PRELID2: variants seen among roughly 807,000 people sequenced by gnomAD.
PRELID2 encodes the protein PRELI domain containing 2, also known as PRELI domain-containing protein 2.
Under a neutral mutation model 28.4 loss-of-function variants are expected in PRELID2, and 25 were observed. The observed-to-expected ratio is 0.88, with a 90% confidence interval of 0.64 to 1.23. The LOEUF (loss-of-function observed/expected upper bound fraction) is 1.23, where lower values mean the gene tolerates loss of function less well. PRELID2 is among the 50% of genes most tolerant of loss of function. The pLI is 0.00. For synonymous variants in PRELID2, 76 were observed against 71.6 expected (o/e 1.06, Z -0.31); for missense variants, 201 against 214.4 (o/e 0.94, Z 0.39).
intron 1 of PRELID2, among the ~76,000 whole-genome samples, chr5:145,628,686 T>G (rs1303224069): frequency 6.6e-6 from 1 of 152,174 alleles, no homozygotes; most frequent in East Asian, 1.9e-4. Context: ...AACCCCTTTA[T>G]CACAGCCAGC....
chr5:145,581,223 T>C (rs1041508627), intron 1 of PRELID2, among the ~76,000 whole-genome samples: 1 of 152,026 alleles, frequency 6.6e-6, no homozygotes, highest in Non-Finnish European at 1.5e-5. Context: ...CCAAACCATC[T>C]TCTACTCCCC....
chr5:145,264,058 T>C, the PRELID2 span, among the ~76,000 whole-genome samples: 1 of 152,104 alleles, frequency 6.6e-6, no homozygotes, highest in Non-Finnish European at 1.5e-5. Context: ...ACAGCTGAAC[T>C]CTATCAGATA....
In PRELID2 at chr5:145,785,578, G is replaced by A. The variant is rs140227117; in HGVS notation, c.474+10864C>T. On this transcript the variant is annotated intron_variant, in intron 5 of 6. Coordinates refer to ENST00000683046, the MANE Select transcript of PRELID2 (RefSeq NM_205846.3). The stretch of plus-strand genomic sequence containing the variant: ...TGTGAGCATTCTAATCAGCAACCTC[G>A]CTCTCCAGAAACTTCAGTCAGACAC... Among the ~76,000 whole-genome samples, 297 of 152,222 alleles carry A rather than the reference G, an allele frequency of 2.0e-3. 1 individual carries two copies. Among genetic ancestry groups the A allele is most frequent in the African/African-American group, 6.2e-3 (256 of 41,524 alleles).
chr5:145,669,942 C>T (rs564225618), intron 1 of PRELID2, among the ~76,000 whole-genome samples: 15 of 152,202 alleles, frequency 9.9e-5, no homozygotes, highest in African/African-American at 2.2e-4. Flanking sequence ...TCACCTGCAG[C>T]GAACTTACTA....
chr5:145,550,624 G>A (rs916620280), intron 1 of PRELID2, among the ~76,000 whole-genome samples: 13 of 151,974 alleles, frequency 8.6e-5, no homozygotes, highest in African/African-American at 2.9e-4. Flanking sequence ...ACTAAAGAAG[G>A]ACCTTAAAAT....
intron 1 of PRELID2, among the ~76,000 whole-genome samples, chr5:145,546,353 A>AAACTATAAG (rs1752788022): frequency 6.7e-6 from 1 of 148,578 alleles, no homozygotes; most frequent in Non-Finnish European, 1.5e-5. Flanking sequence ...ACTCAAAATT[A>AAACTATAAG]AACTATAAGT....
intron 1 of PRELID2, among the ~76,000 whole-genome samples, chr5:145,606,105 G>T (rs1003313040): frequency 6.6e-5 from 10 of 151,986 alleles, no homozygotes; most frequent in Non-Finnish European, 1.5e-4. Flanking sequence ...ACTGATTTTT[G>T]AACATTGTTT....
the PRELID2 span, among the ~76,000 whole-genome samples, chr5:145,379,840 C>T: frequency 6.6e-6 from 1 of 152,008 alleles, no homozygotes; most frequent in Non-Finnish European, 1.5e-5. Flanking sequence ...GGTGTGGGCC[C>T]CGAGAGCACT....
chr5:145,635,878 C>T (rs1391012867), intron 1 of PRELID2, among the ~76,000 whole-genome samples: 1 of 152,208 alleles, frequency 6.6e-6, no homozygotes, highest in African/African-American at 2.4e-5. Context: ...GGACAACACT[C>T]GTCTCTACCT....
rs141272009 is a variant in PRELID2 at position 145,702,134 on chromosome 5, G to C, written n.70+62797C>G. On this transcript the variant is annotated intron_variant and non_coding_transcript_variant, in intron 1 of 2. Coordinates refer to the PRELID2 transcript ENST00000510259. ...TTAATATATTGATTTATACATTAGC[G>C]TATTACTGTAATGCTTAAGTATTTT... Among the ~76,000 whole-genome samples the C allele has an allele frequency of 1.2e-4, 19 of 152,018 alleles. No individual in the cohort carries two copies. In the East Asian group the frequency reaches 3.5e-3, roughly 28 times the overall value.
At chr5:145,343,330 A>C in the PRELID2 span, among the ~76,000 whole-genome samples, 1 of 152,026 alleles carries the variant, frequency 6.6e-6, no homozygotes, top group African/African-American at 2.4e-5. Flanking sequence ...GTATTTTCTC[A>C]GAACACAATG....
intron 2 of PRELID2, chr5:145,473,181 A>G (rs1164030607): frequency 6.6e-6 from 1 of 152,176 alleles, no homozygotes; most frequent in African/African-American, 2.4e-5. Context: ...TTTTCAAAGA[A>G]TGCTTTGCAA....
chr5:145,486,251 C>A (rs1440506326), intron 1 of PRELID2, among the ~76,000 whole-genome samples: 2 of 152,278 alleles, frequency 1.3e-5, no homozygotes, highest in African/African-American at 2.4e-5. Context: ...TCTATCACAG[C>A]ATTTACCACA....
intron 1 of PRELID2, among the ~76,000 whole-genome samples, chr5:145,505,936 TA>T (rs34152390): frequency 3.9e-5 from 6 of 152,150 alleles, no homozygotes; most frequent in Non-Finnish European, 7.4e-5. Flanking sequence ...ATGAAATATC[TA>T]AAAAGTCAAA....
intron 1 of PRELID2, among the ~76,000 whole-genome samples, chr5:145,579,485 T>A (rs566819039): frequency 6.6e-6 from 1 of 152,158 alleles, no homozygotes; most frequent in East Asian, 1.9e-4. Flanking sequence ...CCCATTGAAG[T>A]TTAAGGATAC....
intron 1 of PRELID2, among the ~76,000 whole-genome samples, chr5:145,572,163 T>C (rs1753020486): frequency 6.6e-6 from 1 of 152,166 alleles, no homozygotes; most frequent in African/African-American, 2.4e-5. Context: ...AAAAACCAAT[T>C]GCCAATCAGA....
At chr5:145,334,498 C>A in the PRELID2 span, among the ~76,000 whole-genome samples, 1 of 152,270 alleles carries the variant, frequency 6.6e-6, no homozygotes, top group Admixed American at 6.5e-5. Context: ...AAGTGGTTTA[C>A]ACACCATCCT....
At chr5:145,229,205 C>G in the PRELID2 span, 1 of 818,184 alleles carries the variant, frequency 1.2e-6, no homozygotes, top group Non-Finnish European at 2.2e-6. Context: ...TTGAGCTCAT[C>G]TGCTACTCGC....
the PRELID2 span, among the ~76,000 whole-genome samples, chr5:145,449,274 G>A: frequency 6.6e-5 from 10 of 152,148 alleles, no homozygotes; most frequent in Admixed American, 2.0e-4. Context: ...GGTCATAAAC[G>A]GACTTAAAGG....
Sources: allele counts gnomAD v4.1 joint callset (sites outside exome capture counted in the v4.1 genomes callset), GRCh38; gene constraint gnomAD v4.1.1; transcripts MANE v1.5; gene names NCBI Gene and HGNC (gene_info 2026-07-23, HGNC 2026-07-21).